LPCAT1: variants seen among roughly 807,000 people sequenced by gnomAD.
LPCAT1 encodes 1-acylglycerol-3-phosphate O-acyltransferase.
In LPCAT1, 23 loss-of-function variants were observed where a neutral mutation model predicts 60.9. The ratio of observed to expected loss-of-function variants is 0.38; its 90% CI spans 0.27 to 0.53. LPCAT1 has a LOEUF of 0.53. Among genes scored for constraint, LPCAT1 ranks in the 20% least tolerant of loss-of-function variants. The probability of loss-of-function intolerance (pLI) is 0.82; values close to 1 mark genes in which losing one functional copy is unlikely to be tolerated. For synonymous variants in LPCAT1, 340 were observed against 301.1 expected, an observed-to-expected ratio of 1.13 and a Z score of -1.34; for missense variants, 622 against 723.6, an observed-to-expected ratio of 0.86 and a Z score of 1.61.
chr5:1,521,286 C>G lies in LPCAT1; in HGVS notation c.135+2424G>C, dbSNP rs1736670083. 1.0e-6 allele frequency: 1 copy of G among 979,346 alleles called. No individual in the cohort carries two copies. The highest frequency in any genetic ancestry group is 1.1e-4 in the East Asian group (1 of 8,762). 60.7% of individuals were successfully genotyped at this position (979,346 alleles called of 1,614,324 possible). Reference sequence around the variant, plus strand: ...GAGGTGTCCCCGCATGGCGCTAATCCGAAGACACACAGCAGCCCCTCCCAG... The same window carrying G: ...GAGGTGTCCCCGCATGGCGCTAATCGGAAGACACACAGCAGCCCCTCCCAG... On this transcript the variant is annotated intron_variant, in intron 1 of 13. Transcript: ENST00000283415. This position sits in a 1 kb window ranked among gnomAD's most constrained non-coding sequence, Gnocchi z 4.3.
chr5:1,518,097 C>T (rs1317732687), intron 1 of LPCAT1, among the ~76,000 whole-genome samples: 4 of 152,246 alleles, frequency 2.6e-5, no homozygotes, highest in Non-Finnish European at 5.9e-5. Flanking sequence ...CTGAGCACGG[C>T]CCTGCGGCCT....
At chr5:1,515,738 G>GC (rs890166609) in intron 1 of LPCAT1, among the ~76,000 whole-genome samples, 4 of 151,790 alleles carry the variant, frequency 2.6e-5, no homozygotes, top group African/African-American at 9.7e-5. Context: ...AATACAGGGG[G>GC]CCCCCCGGAA....
intron 1 of LPCAT1, among the ~76,000 whole-genome samples, chr5:1,503,749 T>C (rs754822016): frequency 8.5e-5 from 13 of 152,186 alleles, no homozygotes; most frequent in Non-Finnish European, 1.6e-4. Context: ...TTTTTTGGGT[T>C]GACTTCACTG....
chr5:1,501,268 C>G (rs894497281), intron 2 of LPCAT1, among the ~76,000 whole-genome samples, 193 bp downstream of exon 2: 1 of 152,096 alleles, frequency 6.6e-6, no homozygotes, highest in Non-Finnish European at 1.5e-5. Flanking sequence ...GTGGCGGAGG[C>G]GTGGAAGACA....
intron 6 of LPCAT1, among the ~76,000 whole-genome samples, chr5:1,482,872 G>T (rs886165119): frequency 1.3e-5 from 2 of 152,166 alleles, no homozygotes; most frequent in African/African-American, 4.8e-5. Flanking sequence ...CGCCCCAGGA[G>T]CTCTGGACCC....
At chr5:1,505,307 C>T (rs1388475501) in intron 1 of LPCAT1, among the ~76,000 whole-genome samples, 1 of 151,112 alleles carries the variant, frequency 6.6e-6, no homozygotes, top group African/African-American at 2.4e-5. Context: ...ACTGCTTCCA[C>T]CACAGAGTGC....
chr5:1,477,475 C>A lies in LPCAT1; in HGVS notation c.828G>T (p.Val276=). The stretch of plus-strand genomic sequence containing the variant: ...TCTTCTCCTCCTCAGAAGGGCTGTA[C>A]ACAGGAAGGAACTGAGCACACAGAG... ...HNQVEIEFLP[V]YSPSEEEKRN... is the part of the protein sequence containing the mutation. The change falls in exon 9 of 14, where the codon GTG becomes GTT. Residue 276 remains valine, a synonymous_variant. Coordinates refer to ENST00000283415, the MANE Select transcript of LPCAT1 (RefSeq NM_024830.5). The surrounding 1 kb of genome is among the most constrained non-coding windows in gnomAD (Gnocchi z 6.0). The A allele has an allele frequency of 1.1e-5, 17 of 1,613,738 alleles. No individual in the cohort carries two copies. The highest frequency in any genetic ancestry group is 1.4e-5 in the Non-Finnish European group (17 of 1,179,710).
At chr5:1,498,316 C>T (rs1735866093) in intron 2 of LPCAT1, among the ~76,000 whole-genome samples, 1 of 152,190 alleles carries the variant, frequency 6.6e-6, no homozygotes. Flanking sequence ...GGTTTGTTCT[C>T]TCTTCTGTTT....
chr5:1,472,564 T>C (rs1734725531), intron 11 of LPCAT1, among the ~76,000 whole-genome samples: 1 of 152,016 alleles, frequency 6.6e-6, no homozygotes, highest in Non-Finnish European at 1.5e-5. Context: ...GCATCTGAAA[T>C]TGCAGAAAAT....
chr5:1,495,202 C>T lies in LPCAT1; in HGVS notation c.279-288G>A, dbSNP rs1735742557. Among the ~76,000 whole-genome samples the T allele has an allele frequency of 6.6e-6, 1 of 152,206 alleles. No individual in the cohort carries two copies. Among genetic ancestry groups the T allele is most frequent in the African/African-American group, 2.4e-5 (1 of 41,458 alleles). ...GCAGTGCTAAGACAACATGAGACTC[C>T]GGAACACAGACAGCACAAGTCCCAG... is the stretch of plus-strand genomic sequence containing the variant. On this transcript the variant is annotated intron_variant, in intron 2 of 13. Coordinates refer to ENST00000283415, the MANE Select transcript of LPCAT1 (RefSeq NM_024830.5). The surrounding 1 kb of genome is among the most constrained non-coding windows in gnomAD (Gnocchi z 4.7).
intron 9 of LPCAT1, among the ~76,000 whole-genome samples, chr5:1,475,310 G>T (rs375103443): frequency 2.6e-5 from 4 of 152,182 alleles, no homozygotes; most frequent in South Asian, 4.1e-4. Context: ...AAAGGACAAG[G>T]CCCAACTGAG....
intron 9 of LPCAT1, among the ~76,000 whole-genome samples, chr5:1,475,349 T>C (rs1301162656): frequency 6.6e-6 from 1 of 152,212 alleles, no homozygotes; most frequent in Non-Finnish European, 1.5e-5. Flanking sequence ...ACAGCAGTCC[T>C]GGCCCCGCCA....
intron 5 of LPCAT1, among the ~76,000 whole-genome samples, chr5:1,485,352 C>T (rs1354799126): frequency 6.6e-6 from 1 of 152,092 alleles, no homozygotes; most frequent in African/African-American, 2.4e-5. Flanking sequence ...AGCACCCAGA[C>T]CCCGCCAGCA....
chr5:1,508,140 G>A (rs1237538060), intron 1 of LPCAT1, among the ~76,000 whole-genome samples: 1 of 152,178 alleles, frequency 6.6e-6, no homozygotes, highest in Non-Finnish European at 1.5e-5. Context: ...TGCTGTTCGG[G>A]AGGCACCTCG....
rs1048881663 is a variant in LPCAT1, at chr5:1,495,939, C to A, written c.279-1025G>T. ...CACCTTGGAATGGCCTTTGTGTATGCGATGATAAACAATGGTGTAGTTACA... is the reference window on the plus strand; with the variant it reads ...CACCTTGGAATGGCCTTTGTGTATGAGATGATAAACAATGGTGTAGTTACA... On this transcript the variant is annotated intron_variant, in intron 2 of 13. Coordinates refer to ENST00000283415, the MANE Select transcript of LPCAT1 (RefSeq NM_024830.5). The surrounding 1 kb of genome is among the most constrained non-coding windows in gnomAD (Gnocchi z 4.7). Among the ~76,000 whole-genome samples the A allele has an allele frequency of 6.6e-6, 1 of 152,172 alleles. No individual in the cohort carries two copies. Among genetic ancestry groups the A allele is most frequent in the Non-Finnish European group, 1.5e-5 (1 of 68,038 alleles).
intron 1 of LPCAT1, among the ~76,000 whole-genome samples, chr5:1,509,954 G>A (rs554070415): frequency 3.3e-5 from 5 of 152,328 alleles, no homozygotes; most frequent in African/African-American, 7.2e-5. Context: ...TGCCAGGAGC[G>A]CAGGCCACAT....
intron 12 of LPCAT1, 46 bp from the exon 13 acceptor site, chr5:1,466,936 A>G (rs745749952): frequency 2.0e-6 from 3 of 1,474,864 alleles, no homozygotes; most frequent in Admixed American, 2.1e-5. Flanking sequence ...TCCCCTGCCC[A>G]CCAGGCCCCG....
At chr5:1,492,976 G>T (rs1427532856) in intron 3 of LPCAT1, among the ~76,000 whole-genome samples, 1 of 152,242 alleles carries the variant, frequency 6.6e-6, no homozygotes, top group South Asian at 2.1e-4. Context: ...GGCAAATGTG[G>T]TTTCCTGGGT....
intron 13 of LPCAT1, among the ~76,000 whole-genome samples, chr5:1,465,007 G>GCA (rs200158307): frequency 2.9e-5 from 4 of 138,928 alleles, no homozygotes; most frequent in Non-Finnish European, 6.1e-5. Context: ...ACAATAACAT[G>GCA]CACACACACA....
Sources: allele counts gnomAD v4.1 joint callset (sites outside exome capture counted in the v4.1 genomes callset), GRCh38; gene constraint gnomAD v4.1.1; non-coding constraint Gnocchi (gnomAD v3.1); transcripts MANE v1.5; gene names NCBI Gene and HGNC (gene_info 2026-07-23, HGNC 2026-07-21).